Variants in GLIS3 observed in about 807,000 individuals in gnomAD.
GLIS3 encodes the protein zinc finger protein GLIS3.
A neutral mutation model predicts 78.6 loss-of-function variants in GLIS3; 53 were observed. The ratio of observed to expected loss-of-function variants is 0.67; its 90% CI spans 0.54 to 0.85. The LOEUF (loss-of-function observed/expected upper bound fraction) is 0.85. GLIS3 is among the 40% of genes least tolerant of loss of function. The pLI, the probability that GLIS3 is intolerant of heterozygous loss-of-function variation, is 0.00. For missense variants in GLIS3, 1,703 were observed against 1,231.1 expected, an observed-to-expected ratio of 1.38 and a Z score of -5.74; for synonymous variants, 684 against 509.9, an observed-to-expected ratio of 1.34 and a Z score of -4.60.
intron 2 of GLIS3, among the ~76,000 whole-genome samples, chr9:4,137,694 T>G (rs1387897072): frequency 2.6e-5 from 4 of 152,184 alleles, no homozygotes; most frequent in African/African-American, 9.6e-5. Flanking sequence ...CGTCAGCTAT[T>G]GTATATCAAT....
intron 2 of GLIS3, among the ~76,000 whole-genome samples, chr9:4,253,063 G>T (rs943944245): frequency 1.3e-5 from 2 of 152,232 alleles, no homozygotes; most frequent in African/African-American, 4.8e-5. Flanking sequence ...CTGATGGGAG[G>T]TGTCTCACGA....
At chr9:4,108,196 G>C (rs956120914) in intron 4 of GLIS3, among the ~76,000 whole-genome samples, 1 of 152,284 alleles carries the variant, frequency 6.6e-6, no homozygotes, top group Admixed American at 6.5e-5. Context: ...TTCTCTGAAA[G>C]AGTTTTTGGT....
chr9:4,291,527 T>G (rs1182057419), intron 1 of GLIS3, among the ~76,000 whole-genome samples: 1 of 152,130 alleles, frequency 6.6e-6, no homozygotes, highest in Non-Finnish European at 1.5e-5. Context: ...CCATGTCACT[T>G]TAAATTTAAA....
chr9:4,153,855 T>C (rs1261739137), intron 2 of GLIS3, among the ~76,000 whole-genome samples: 3 of 152,188 alleles, frequency 2.0e-5, no homozygotes, highest in Non-Finnish European at 4.4e-5. Flanking sequence ...AACAACAATT[T>C]ATTATTATCT....
chr9:4,385,226 G>A, the GLIS3 span, among the ~76,000 whole-genome samples: 4 of 152,120 alleles, frequency 2.6e-5, no homozygotes, highest in African/African-American at 4.8e-5. Context: ...CCGTTTCTTC[G>A]TGGATTCCCT....
the GLIS3 span, among the ~76,000 whole-genome samples, chr9:4,392,390 C>G: frequency 6.6e-6 from 1 of 152,142 alleles, no homozygotes; most frequent in Non-Finnish European, 1.5e-5. Flanking sequence ...TATCCTGGAA[C>G]TTAAAATAAA....
At chr9:3,921,945 C>CACACACAT (rs1460175732) in intron 6 of GLIS3, among the ~76,000 whole-genome samples, 1 of 151,892 alleles carries the variant, frequency 6.6e-6, no homozygotes, top group Non-Finnish European at 1.5e-5. Flanking sequence ...CACACACACA[C>CACACACAT]ACTCACACTT....
chr9:4,241,433 T>G (rs1407838041), intron 2 of GLIS3, among the ~76,000 whole-genome samples: 1 of 152,166 alleles, frequency 6.6e-6, no homozygotes, highest in African/African-American at 2.4e-5. Flanking sequence ...ATTTATTGTA[T>G]TTTTCAAAAT....
chr9:4,247,046 C>G (rs1486054745), intron 2 of GLIS3, among the ~76,000 whole-genome samples: 1 of 152,124 alleles, frequency 6.6e-6, no homozygotes, highest in Non-Finnish European at 1.5e-5. Flanking sequence ...GTTTTTAAAC[C>G]ACTCTGGGTT....
intron 2 of GLIS3, among the ~76,000 whole-genome samples, chr9:4,222,301 C>T (rs1310916760): frequency 6.6e-6 from 1 of 152,208 alleles, no homozygotes; most frequent in Non-Finnish European, 1.5e-5. Flanking sequence ...ACTATTCTCT[C>T]TACCAAAGTT....
At chr9:4,411,404 G>T in the GLIS3 span, among the ~76,000 whole-genome samples, 1 of 152,114 alleles carries the variant, frequency 6.6e-6, no homozygotes, top group Admixed American at 6.6e-5. Flanking sequence ...TGGGTTATGA[G>T]GTCGTGATAC....
chr9:4,084,070 C>T lies in GLIS3; in HGVS notation c.1710+33698G>A, dbSNP rs1017019231. ...GAGTCTGAGGCCAGGATTTTTAGAA[C>T]AAAACACAGCAACTTTTCCAGGTCT... On this transcript the variant is annotated intron_variant, in intron 4 of 10. Transcript: ENST00000381971. 3.3e-5 allele frequency among the ~76,000 whole-genome samples: 5 copies of T among 152,046 alleles called. No individual in the cohort carries two copies. The South Asian group carries it at 6.2e-4, about 19-fold the overall frequency.
intron 1 of GLIS3, among the ~76,000 whole-genome samples, chr9:4,295,560 T>C (rs560540352): frequency 6.6e-6 from 1 of 152,048 alleles, no homozygotes; most frequent in Non-Finnish European, 1.5e-5. Flanking sequence ...AGATTTTTTT[T>C]AAAAAAACCA....
At chr9:3,907,902 G>C (rs1231421725) in intron 6 of GLIS3, among the ~76,000 whole-genome samples, 1 of 152,202 alleles carries the variant, frequency 6.6e-6, no homozygotes, top group Non-Finnish European at 1.5e-5. Flanking sequence ...TTTGGTTCAA[G>C]AATGTCGAGA....
intron 4 of GLIS3, among the ~76,000 whole-genome samples, chr9:3,978,091 G>A (rs568067549): frequency 2.5e-4 from 38 of 151,832 alleles, no homozygotes; most frequent in South Asian, 1.5e-3. Context: ...ACTCAATTTG[G>A]GATGAAGGGT....
rs1017091025 is a variant in GLIS3, at chr9:3,987,178, A to G, written c.1711-49989T>C. 5.9e-5 allele frequency among the ~76,000 whole-genome samples: 9 copies of G among 152,320 alleles called. 1 individual carries two copies. In the South Asian group the frequency reaches 1.0e-3, roughly 18 times the overall value. ...TATAATAATAAAATAATAGTAATACAGATTTTAAAACTTGCTGGAAGGGCT... is the reference window on the plus strand; with the variant it reads ...TATAATAATAAAATAATAGTAATACGGATTTTAAAACTTGCTGGAAGGGCT... On this transcript the variant is annotated intron_variant, in intron 4 of 10. Coordinates refer to ENST00000381971, the MANE Select transcript of GLIS3 (RefSeq NM_001042413.2).
At chr9:4,082,575 G>A (rs1322272728) in intron 4 of GLIS3, among the ~76,000 whole-genome samples, 1 of 152,102 alleles carries the variant, frequency 6.6e-6, no homozygotes, top group Non-Finnish European at 1.5e-5. Flanking sequence ...ATTACACGAA[G>A]CTGAAATCTT....
In GLIS3 at chr9:3,898,733, T is replaced by G. The variant is rs1823057594; in HGVS notation, c.2086A>C (p.Thr696Pro). The change falls in exon 7 of 11, where the codon ACC (threonine) becomes CCC (proline). Residue 696 changes from threonine to proline, a missense_variant. Physicochemically the swap from Thr to Pro is conservative, Grantham distance 38. Coordinates refer to ENST00000381971, the MANE Select transcript of GLIS3 (RefSeq NM_001042413.2). ...CCGGGTCCAGGGGAGCGTCCCACGG[T>G]CCCTTCAGCAGCAGCATCTCTAGGG... Reference protein sequence around the residue: ...TSPRDAAAEGTVGRSPGPGPD... With the variant: ...TSPRDAAAEGPVGRSPGPGPD... 6.2e-7 allele frequency: 1 copy of G among 1,614,020 alleles called. No individual in the cohort carries two copies.
chr9:4,286,248 G>A lies in GLIS3; in HGVS notation c.178C>T (p.Leu60Phe), dbSNP rs778971209. 1 of 1,614,242 alleles carries A rather than the reference G, an allele frequency of 6.2e-7. No individual in the cohort carries two copies. Among genetic ancestry groups the A allele is most frequent in the Non-Finnish European group, 8.5e-7 (1 of 1,180,040 alleles). The change falls in exon 2 of 11, where the codon CTC (leucine) becomes TTC (phenylalanine). Residue 60 changes from leucine (L) to phenylalanine (F), a missense_variant. Coordinates refer to ENST00000381971, the MANE Select transcript of GLIS3 (RefSeq NM_001042413.2). The stretch of plus-strand genomic sequence containing the variant: ...ATCCCTCCTCCTGAGGGCATCTTGA[G>A]ATGGAGGTTGTTAGCAAGGCTTGCC... ...TMASLANNLHLKMPSGGGMAP... is the reference protein window; with the variant it reads ...TMASLANNLHFKMPSGGGMAP...
Sources: allele counts gnomAD v4.1 joint callset (sites outside exome capture counted in the v4.1 genomes callset), GRCh38; gene constraint gnomAD v4.1.1; transcripts MANE v1.5; gene names NCBI Gene and HGNC (gene_info 2026-07-23, HGNC 2026-07-21).